TPRG1: variants seen among roughly 807,000 people sequenced by gnomAD.
TPRG1 encodes tumor protein p63-regulated gene 1 protein.
TPRG1 carries 29 observed loss-of-function variants against 29.3 expected under a neutral mutation model. That is an observed-to-expected ratio of 0.99 (90% CI 0.74 to 1.35). TPRG1 has a LOEUF of 1.35. TPRG1 is among the 40% of genes most tolerant of loss of function. The probability of loss-of-function intolerance (pLI) is 0.00; values close to 1 mark genes in which losing one functional copy is unlikely to be tolerated. For synonymous variants in TPRG1, 130 were observed against 116.8 expected (o/e 1.11, Z -0.73); for missense variants, 327 against 335.0 (o/e 0.98, Z 0.19).
intron 4 of TPRG1, among the ~76,000 whole-genome samples, chr3:189,049,125 TG>T (rs1454591403): frequency 6.6e-6 from 1 of 151,962 alleles, no homozygotes; most frequent in Non-Finnish European, 1.5e-5. Context: ...TTGAACAGGG[TG>T]AAAAGCCTCC....
chr3:189,132,177 C>A (rs778017591), intron 2 of TPRG1, among the ~76,000 whole-genome samples: 1 of 152,056 alleles, frequency 6.6e-6, no homozygotes, highest in Non-Finnish European at 1.5e-5. Flanking sequence ...GGAGTGAGCC[C>A]AAAAGAAAGG....
chr3:189,004,790 T>G (rs1300859200), intron 3 of TPRG1: 1 of 152,140 alleles, frequency 6.6e-6, no homozygotes, highest in Non-Finnish European at 1.5e-5. Context: ...GAAATCTAGA[T>G]CTGGGGATTT....
chr3:189,033,775 A>C (rs1714086770), intron 4 of TPRG1, among the ~76,000 whole-genome samples: 1 of 151,802 alleles, frequency 6.6e-6, no homozygotes, highest in Non-Finnish European at 1.5e-5. Context: ...ACAGGGTTTC[A>C]CTGTGTTAGC....
chr3:189,255,276 A>G (rs1043375189), intron 4 of TPRG1, among the ~76,000 whole-genome samples: 1 of 152,306 alleles, frequency 6.6e-6, no homozygotes, highest in Non-Finnish European at 1.5e-5. Flanking sequence ...ATTTATTGAG[A>G]TAATCATGTG....
intron 3 of TPRG1, among the ~76,000 whole-genome samples, chr3:189,139,861 G>A (rs938152317): frequency 1.3e-5 from 2 of 151,966 alleles, no homozygotes; most frequent in Non-Finnish European, 1.5e-5. Context: ...TCTAGCATAT[G>A]GTTGCATTAA....
intron 4 of TPRG1, among the ~76,000 whole-genome samples, chr3:189,048,259 C>G (rs1320732310): frequency 6.6e-6 from 1 of 152,140 alleles, no homozygotes; most frequent in Admixed American, 6.5e-5. Context: ...AGTGCATTGT[C>G]AATGAGCAGT....
chr3:189,267,888 G>A (rs973043202), intron 4 of TPRG1, among the ~76,000 whole-genome samples: 9 of 152,126 alleles, frequency 5.9e-5, no homozygotes, highest in African/African-American at 1.4e-4. Context: ...AACAGGGAGC[G>A]GTATGTGGGA....
intron 4 of TPRG1, among the ~76,000 whole-genome samples, chr3:189,271,075 T>C (rs1016756531): frequency 2.6e-5 from 4 of 152,138 alleles, no homozygotes. Context: ...ACTTTTGATT[T>C]TAAAAAGGAA....
At chr3:189,304,728 C>G (rs953593693) in intron 4 of TPRG1, among the ~76,000 whole-genome samples, 1 of 152,156 alleles carries the variant, frequency 6.6e-6, no homozygotes, top group Non-Finnish European at 1.5e-5. Flanking sequence ...CAACTCTGTC[C>G]CTGCTTTTGT....
chr3:189,322,434 T>G lies in TPRG1; in HGVS notation c.*1614T>G, dbSNP rs182419470. On this transcript the variant is annotated 3_prime_UTR_variant, in exon 6 of 6. Transcript: ENST00000345063. ...CACCCACTTTTTCTTCCCCCCATGA[T>G]GGCAAATATTGTTATAGTCCCCAAG... 3.9e-5 allele frequency: 6 copies of G among 152,592 alleles called. No homozygotes were observed. In the East Asian group the frequency reaches 1.2e-3, roughly 29 times the overall value. The allele number at this position is 152,592 out of a possible 1,614,324, so 9.5% of individuals were successfully genotyped here. A position where few individuals can be genotyped will look rare whatever the true frequency, so the allele number is the denominator to read the frequency against.
chr3:189,022,877 G>A (rs1713425124), intron 3 of TPRG1, among the ~76,000 whole-genome samples: 2 of 152,218 alleles, frequency 1.3e-5, no homozygotes, highest in African/African-American at 4.8e-5. Flanking sequence ...AGCAATCAGC[G>A]AGACTCCGTG....
intron 1 of TPRG1, among the ~76,000 whole-genome samples, chr3:189,109,720 C>A (rs1426402684): frequency 6.6e-6 from 1 of 152,084 alleles, no homozygotes; most frequent in Non-Finnish European, 1.5e-5. Flanking sequence ...CAGACATTCC[C>A]TTTTAGTACA....
At chr3:189,222,113 C>G (rs1054744438) in intron 3 of TPRG1, among the ~76,000 whole-genome samples, 4 of 152,202 alleles carry the variant, frequency 2.6e-5, no homozygotes, top group South Asian at 2.1e-4. Flanking sequence ...GGTTCAGGGA[C>G]CTTTTCCTCT....
intron 1 of TPRG1, among the ~76,000 whole-genome samples, chr3:189,109,271 G>T (rs1231458616): frequency 2.0e-5 from 3 of 152,180 alleles, no homozygotes; most frequent in Non-Finnish European, 2.9e-5. Context: ...CCATCAGCAA[G>T]ATCCTAAAGA....
At chr3:189,018,920 G>T (rs1713117309) in intron 3 of TPRG1, among the ~76,000 whole-genome samples, 1 of 151,592 alleles carries the variant, frequency 6.6e-6, no homozygotes, top group Non-Finnish European at 1.5e-5. Flanking sequence ...GCAGTGGATT[G>T]TAGTTCTCCT....
At chr3:189,091,118 A>G (rs1718310139) in intron 4 of TPRG1, among the ~76,000 whole-genome samples, 1 of 152,172 alleles carries the variant, frequency 6.6e-6, no homozygotes, top group African/African-American at 2.4e-5. Context: ...CATGTAAAAT[A>G]TTTAAAACTT....
At chr3:189,284,200 CTT>C (rs72114782) in intron 4 of TPRG1, among the ~76,000 whole-genome samples, 192 of 146,238 alleles carry the variant, frequency 1.3e-3, no homozygotes, top group East Asian at 3.4e-3. Context: ...CTCACTTTTA[CTT>C]TTTTTTTTTT....
At chr3:189,110,526 A>T (rs1262424679) in intron 1 of TPRG1, among the ~76,000 whole-genome samples, 1 of 152,126 alleles carries the variant, frequency 6.6e-6, no homozygotes, top group East Asian at 1.9e-4. Flanking sequence ...TTTGAAGAGC[A>T]AAAGTTTTTA....
intron 4 of TPRG1, among the ~76,000 whole-genome samples, chr3:189,080,277 T>C (rs555645682): frequency 1.4e-4 from 22 of 151,966 alleles, no homozygotes; most frequent in Non-Finnish European, 2.1e-4. Context: ...CAGAGAATAG[T>C]AAGGCAACCC....
Sources: gnomAD v4.1 joint callset for allele counts (sites outside exome capture counted in the v4.1 genomes callset) on GRCh38, gnomAD v4.1.1 for gene constraint, MANE v1.5 for transcripts, NCBI Gene and HGNC (gene_info 2026-07-23, HGNC 2026-07-21) for gene names.